P4HA3: variants seen among roughly 807,000 people sequenced by gnomAD.
The protein encoded by P4HA3 is prolyl 4-hydroxylase subunit alpha 3.
A neutral mutation model predicts 66.7 loss-of-function variants in P4HA3; 60 were observed. The observed-to-expected ratio is 0.90, with a 90% CI of 0.73 to 1.12. The LOEUF (loss-of-function observed/expected upper bound fraction) is 1.12, where lower values mean the gene tolerates loss of function less well. Ranked by LOEUF, P4HA3 falls within the 50% of genes most tolerant of loss-of-function variation. The pLI is 0.00. For missense variants in P4HA3, 683 were observed against 685.8 expected, an observed-to-expected ratio of 1.00 and a Z score of 0.05; for synonymous variants, 263 against 274.6, an observed-to-expected ratio of 0.96 and a Z score of 0.42.
In P4HA3 at chr11:74,279,421, T is replaced by C. The variant is rs368112005; in HGVS notation, c.1142A>G (p.Lys381Arg). 1.2e-6 allele frequency: 2 copies of C among 1,613,816 alleles called. No individual in the cohort carries two copies. Among genetic ancestry groups the C allele is most frequent in the Non-Finnish European group, 1.7e-6 (2 of 1,179,868 alleles). ...LQRSVVASGE[K>R]QLQVEYRISK... The stretch of plus-strand genomic sequence containing the variant: ...GATGCGGTACTCCACTTGTAACTGC[T>C]TCTCCCCTGATGCCACCACTGACCT... Residue 381 changes from lysine (K) to arginine (R), a missense_variant, in exon 8 of 13, where the codon AAG becomes AGG. Transcript: ENST00000331597.
chr11:74,292,259 G>A (rs1253218301), intron 4 of P4HA3, among the ~76,000 whole-genome samples: 3 of 152,132 alleles, frequency 2.0e-5, no homozygotes, highest in Non-Finnish European at 4.4e-5. Context: ...TTCTCTGATG[G>A]TAGTTTGTAT....
chr11:74,294,113 T>C (rs991111668), intron 4 of P4HA3, among the ~76,000 whole-genome samples: 2 of 152,240 alleles, frequency 1.3e-5, no homozygotes, highest in Non-Finnish European at 2.9e-5. Context: ...TCTTTTCACA[T>C]AGTCCCATAT....
At position 74,298,163 on chromosome 11, in the gene P4HA3, G is replaced by A. The variant is rs779237405; in HGVS notation, c.717+49C>T. 2.5e-6 allele frequency: 4 copies of A among 1,580,400 alleles called. No individual in the cohort carries two copies. The African/African-American group carries it at 5.4e-5, about 21-fold the overall frequency. On this transcript the variant is annotated intron_variant, in intron 4 of 12. Transcript: ENST00000331597. ...TTAGAAATTGTAAAGCAGCTATAAA[G>A]GATTTCACTTAGTATAATAAAAGCA...
intron 12 of P4HA3, 134 bp from the exon 13 acceptor site, chr11:74,267,452 A>C (rs1860028780): frequency 9.0e-7 from 1 of 1,107,446 alleles, no homozygotes; most frequent in Non-Finnish European, 1.3e-6. Context: ...TCACTTGCCC[A>C]GCCTAGTCCT....
chr11:74,276,948 C>T, intron 9 of P4HA3, 37 bp downstream of exon 9: 1 of 1,578,496 alleles, frequency 6.3e-7, no homozygotes, highest in South Asian at 1.1e-5. Context: ...GCCCTGGCTC[C>T]CTACCCCAGG....
intron 15 of P4HA3, among the ~76,000 whole-genome samples, chr11:74,253,189 C>T (rs978126875): frequency 2.6e-5 from 4 of 152,086 alleles, no homozygotes; most frequent in Non-Finnish European, 2.9e-5. Context: ...GAAGCGACAC[C>T]CCTATGCTGA....
intron 4 of P4HA3, among the ~76,000 whole-genome samples, chr11:74,289,561 C>T (rs1453828060): frequency 6.6e-6 from 1 of 151,448 alleles, no homozygotes; most frequent in Admixed American, 6.6e-5. Flanking sequence ...CGTCATTTAG[C>T]ATTAGGTATA....
intron 3 of P4HA3, among the ~76,000 whole-genome samples, chr11:74,300,495 T>G (rs1861372086): frequency 6.6e-6 from 1 of 152,134 alleles, no homozygotes; most frequent in African/African-American, 2.4e-5. Context: ...GGGGCACACC[T>G]GTAGTCCTAG....
chr11:74,294,047 A>C (rs1281214092), intron 4 of P4HA3, among the ~76,000 whole-genome samples: 2 of 152,206 alleles, frequency 1.3e-5, no homozygotes, highest in East Asian at 3.8e-4. Context: ...AGTGTTTTCC[A>C]ACTTGGTTCC....
At chr11:74,256,781 G>C (rs1859838420) in intron 15 of P4HA3, among the ~76,000 whole-genome samples, 1 of 152,196 alleles carries the variant, frequency 6.6e-6, no homozygotes, top group Non-Finnish European at 1.5e-5. Context: ...TCCCAAAAAA[G>C]GAAGGTAGGC....
chr11:74,257,385 A>G (rs1307855870), intron 15 of P4HA3, among the ~76,000 whole-genome samples: 1 of 152,174 alleles, frequency 6.6e-6, no homozygotes, highest in Non-Finnish European at 1.5e-5. Context: ...TCAGCTTCCC[A>G]AAGTGCTGGG....
At chr11:74,257,605 T>C (rs1243523754) in intron 15 of P4HA3, among the ~76,000 whole-genome samples, 1 of 151,290 alleles carries the variant, frequency 6.6e-6, no homozygotes, top group Non-Finnish European at 1.5e-5. Flanking sequence ...AAGGTGGGAG[T>C]CAGGGCATAA....
chr11:74,285,663 T>C lies in P4HA3; in HGVS notation c.1110+146A>G, dbSNP rs1860767509. The stretch of plus-strand genomic sequence containing the variant: ...GCACTATTGTGATTTTTTTCCACCA[T>C]GGACTAGTTTTATGGAATGGTTGGC... On this transcript the variant is annotated intron_variant, in intron 7 of 12. Transcript: ENST00000331597. The C allele has an allele frequency of 1.5e-5, 12 of 806,568 alleles. No homozygotes were observed. The East Asian group carries it at 3.0e-4, about 20-fold the overall frequency. 50.0% of individuals were successfully genotyped at this position (806,568 alleles called of 1,614,324 possible).
intron 1 of P4HA3, among the ~76,000 whole-genome samples, chr11:74,309,751 A>G (rs1057333992): frequency 3.9e-5 from 6 of 152,238 alleles, no homozygotes; most frequent in African/African-American, 1.4e-4. Context: ...TAAAATTAAT[A>G]CATACCTATA....
intron 15 of P4HA3, chr11:74,251,758 G>A (rs764352439): frequency 3.7e-6 from 6 of 1,604,360 alleles, no homozygotes; most frequent in South Asian, 2.2e-5. Context: ...AGTGCTGGCC[G>A]AATCTGACAA....
At chr11:74,297,296 C>A (rs1449849082) in intron 4 of P4HA3, among the ~76,000 whole-genome samples, 1 of 152,106 alleles carries the variant, frequency 6.6e-6, no homozygotes, top group African/African-American at 2.4e-5. Context: ...TCGCCAGGAA[C>A]TTCCATGAAA....
rs774201252 is a variant in P4HA3, at chr11:74,304,388, C to T, written c.225G>A (p.Leu75=). 5 of 1,613,952 alleles carry T rather than the reference C, an allele frequency of 3.1e-6. No individual in the cohort carries two copies. The East Asian group carries it at 8.9e-5, about 29-fold the overall frequency. Residue 75 remains leucine, a synonymous_variant, in exon 2 of 13, where the codon TTG becomes TTA. Transcript: ENST00000331597. ...CCACAGGGGTTGTTGAATCCTCATG[C>T]AAAGAAAGTACCTTGTCGTAGAATC... ...LTRFYDKVLS[L]HEDSTTPVAN...
chr11:74,304,465 G>C, intron 1 of P4HA3, 53 bp from the exon 2 acceptor site: 4 of 1,594,734 alleles, frequency 2.5e-6, no homozygotes, highest in Middle Eastern at 1.7e-4. Flanking sequence ...ACTACACCTA[G>C]GGAAGGCTGG....
At chr11:74,300,745 G>A (rs534251498) in intron 3 of P4HA3, among the ~76,000 whole-genome samples, 2 of 152,342 alleles carry the variant, frequency 1.3e-5, no homozygotes, top group Admixed American at 1.3e-4. Context: ...AGCTTATTCT[G>A]TGAGTTGGCG....
Sources: allele counts gnomAD v4.1 joint callset (sites outside exome capture counted in the v4.1 genomes callset), GRCh38; gene constraint gnomAD v4.1.1; transcripts MANE v1.5; gene names NCBI Gene and HGNC (gene_info 2026-07-23, HGNC 2026-07-21).